ABCC2: variants seen among roughly 807,000 people sequenced by gnomAD.
ABCC2 encodes ATP binding cassette subfamily C member 2.
Under a neutral mutation model 173.4 loss-of-function variants are expected in ABCC2, and 157 were observed. That is an observed-to-expected ratio of 0.91 (90% confidence interval 0.80 to 1.03). The LOEUF (loss-of-function observed/expected upper bound fraction) is 1.03. Among genes scored for constraint, ABCC2 ranks in the 50% least tolerant of loss-of-function variants. The pLI, the probability that ABCC2 is intolerant of heterozygous loss-of-function variation, is 0.00. For missense variants in ABCC2, 1,822 were observed against 1,852.3 expected (o/e 0.98, Z 0.30); for synonymous variants, 657 against 693.5 (o/e 0.95, Z 0.83).
At chr10:99,817,264 T>A in intron 16 of ABCC2, 44 bp from the exon 17 acceptor site, 1 of 1,603,792 alleles carries the variant, frequency 6.2e-7, no homozygotes, top group Non-Finnish European at 8.5e-7. Flanking sequence ...ACCCTGCGTT[T>A]CTGGAGGTGC....
intron 12 of ABCC2, among the ~76,000 whole-genome samples, chr10:99,807,804 CT>C (rs1441678979): frequency 1.2e-4 from 19 of 152,164 alleles, no homozygotes; most frequent in African/African-American, 4.6e-4. Flanking sequence ...AGGAGGCTTT[CT>C]TGTCTTCTTT....
Position 99,814,307 on chromosome 10 carries a change from A to G in ABCC2, c.2094+1163A>G, listed in dbSNP as rs199884945. On this transcript the variant is annotated intron_variant, in intron 16 of 31. Coordinates refer to ENST00000647814, the MANE Select transcript of ABCC2 (RefSeq NM_000392.5). ...TATACACACACGTATGTATACACAC[A>G]TGTATATACACACGTATGTATACAC... 1.2e-3 allele frequency among the ~76,000 whole-genome samples: 52 copies of G among 43,810 alleles called. 2 individuals carry two copies. Among genetic ancestry groups the G allele is most frequent in the Middle Eastern group, 0.024 (2 of 84 alleles). 28.7% of individuals were successfully genotyped at this position (43,810 alleles called of 152,430 possible). A position where few individuals can be genotyped will look rare whatever the true frequency, so the allele number is the denominator to read the frequency against.
At chr10:99,833,433 T>C (rs2038770613) in intron 23 of ABCC2, among the ~76,000 whole-genome samples, 1 of 152,206 alleles carries the variant, frequency 6.6e-6, no homozygotes, top group African/African-American at 2.4e-5. Context: ...TCATTAATTA[T>C]ATAGTATGTT....
Position 99,830,340 on chromosome 10 carries a change from A to G in ABCC2, c.2654A>G (p.Tyr885Cys). Residue 885 changes from tyrosine (Y) to cysteine (C), a missense_variant, in exon 20 of 32, where the codon TAT becomes TGT. Physicochemically the swap from Tyr to Cys is radical, Grantham distance 194. Transcript: ENST00000647814. Reference sequence around the variant, plus strand: ...GGCAGTGAAGAAGAAGACGATGACTATGGGCTGATATCCAGTGTGGAAGAG... The same window carrying G: ...GGCAGTGAAGAAGAAGACGATGACTGTGGGCTGATATCCAGTGTGGAAGAG... ...HDGSEEEDDD[Y>C]GLISSVEEIP... The G allele has an allele frequency of 6.2e-7, 1 of 1,614,144 alleles. No individual in the cohort carries two copies. Among genetic ancestry groups the G allele is most frequent in the Non-Finnish European group, 8.5e-7 (1 of 1,180,020 alleles).
chr10:99,814,172 C>T lies in ABCC2; in HGVS notation c.2094+1028C>T, dbSNP rs1171006290. Among the ~76,000 whole-genome samples, 4 of 82,346 alleles carry T rather than the reference C, an allele frequency of 4.9e-5. 1 individual carries two copies. The highest frequency in any genetic ancestry group is 2.5e-5 in the Non-Finnish European group (1 of 40,702). The allele number at this position is 82,346 out of a possible 152,430, so 54.0% of individuals were successfully genotyped here. ...ATGTATGTATACACACGTATATATACACACATGTATGTATACACACATGTG... is the reference window on the plus strand; with the variant it reads ...ATGTATGTATACACACGTATATATATACACATGTATGTATACACACATGTG... On this transcript the variant is annotated intron_variant, in intron 16 of 31. Coordinates refer to ENST00000647814, the MANE Select transcript of ABCC2 (RefSeq NM_000392.5).
chr10:99,820,333 G>A (rs1036421539), intron 19 of ABCC2, among the ~76,000 whole-genome samples: 1 of 152,184 alleles, frequency 6.6e-6, no homozygotes, highest in Non-Finnish European at 1.5e-5. Context: ...AGAGGTTGCG[G>A]TGAGCTGAGA....
chr10:99,844,885 G>A (rs2038995972), intron 28 of ABCC2, among the ~76,000 whole-genome samples: 1 of 152,184 alleles, frequency 6.6e-6, no homozygotes, highest in African/African-American at 2.4e-5. Flanking sequence ...ACCCTCCTTA[G>A]GTGCTGTTGT....
rs573532498 is a variant in ABCC2 at position 99,799,856 on chromosome 10, C to A, written c.1031+486C>A. Among the ~76,000 whole-genome samples, 4 of 152,320 alleles carry A rather than the reference C, an allele frequency of 2.6e-5. No homozygotes were observed. In the East Asian group the frequency reaches 7.7e-4, roughly 29 times the overall value. ...GAGCATTTCTGTCATTATCCATTCT[C>A]ACAGCCATGGGTTATCAACCCTAAG... On this transcript the variant is annotated intron_variant, in intron 8 of 31. Transcript: ENST00000647814.
chr10:99,805,399 T>A lies in ABCC2; in HGVS notation c.1482T>A (p.Asn494Lys). The A allele has an allele frequency of 6.2e-7, 1 of 1,613,950 alleles. No individual in the cohort carries two copies. The highest frequency in any genetic ancestry group is 8.5e-7 in the Non-Finnish European group (1 of 1,179,886). ...SKTIQVKNMK[N>K]KDKRLKIMNE... ...CCTGGCAGGTCAAAAATATGAAGAA[T>A]AAAGACAAACGTTTAAAGATCATGA... is the stretch of plus-strand genomic sequence containing the variant. The change falls in exon 11 of 32, where the codon AAT (asparagine) becomes AAA (lysine). Residue 494 changes from asparagine to lysine, a missense_variant. Physicochemically the swap from Asn to Lys is moderately conservative, Grantham distance 94. Coordinates refer to ENST00000647814, the MANE Select transcript of ABCC2 (RefSeq NM_000392.5).
At position 99,801,215 on chromosome 10, in the gene ABCC2, TTTG is replaced by T. The variant is rs1007815039; in HGVS notation, c.1209+667_1209+669del. Reference sequence around the variant, plus strand: ...TGCTCATCTTCCCTCTGATACATTGTTTGTTGTTGTTGTTGTTTTGTTTTGTTT... The same window carrying T: ...TGCTCATCTTCCCTCTGATACATTGTTTGTTGTTGTTGTTTTGTTTTGTTT... On this transcript the variant is annotated intron_variant, in intron 9 of 31. Coordinates refer to ENST00000647814, the MANE Select transcript of ABCC2 (RefSeq NM_000392.5). 5.3e-5 allele frequency among the ~76,000 whole-genome samples: 8 copies of T among 152,118 alleles called. No homozygotes were observed. The East Asian group carries it at 1.5e-3, about 29-fold the overall frequency.
intron 9 of ABCC2, among the ~76,000 whole-genome samples, chr10:99,802,751 T>C (rs1442414455): frequency 6.6e-6 from 1 of 152,180 alleles, no homozygotes; most frequent in African/African-American, 2.4e-5. Context: ...GCTCTCCTTC[T>C]TCTGGAAAGA....
chr10:99,814,335 A>G lies in ABCC2; in HGVS notation c.2094+1191A>G, dbSNP rs190118772. Among the ~76,000 whole-genome samples the G allele has an allele frequency of 3.6e-4, 50 of 138,346 alleles. 8 individuals are homozygous for G. Among genetic ancestry groups the G allele is most frequent in the African/African-American group, 1.4e-3 (49 of 34,620 alleles). 90.8% of individuals were successfully genotyped at this position (138,346 alleles called of 152,430 possible). ...TATATACACACGTATGTATACACAC[A>G]TGTATATATACACACGTATGTATAC... is the stretch of plus-strand genomic sequence containing the variant. On this transcript the variant is annotated intron_variant, in intron 16 of 31. Coordinates refer to ENST00000647814, the MANE Select transcript of ABCC2 (RefSeq NM_000392.5).
At position 99,799,387 on chromosome 10, in the gene ABCC2, C is replaced by T; in HGVS notation, c.1031+17C>T. On this transcript the variant is annotated intron_variant, in intron 8 of 31. Transcript: ENST00000647814. ...GCTGCTGAAGTGAGTCTCCAGGCCTCAGATGGTCCTTTCAGGGCCTCCTCT... is the reference window on the plus strand; with the variant it reads ...GCTGCTGAAGTGAGTCTCCAGGCCTTAGATGGTCCTTTCAGGGCCTCCTCT... The T allele has an allele frequency of 6.2e-7, 1 of 1,614,008 alleles. No individual in the cohort carries two copies. Among genetic ancestry groups the T allele is most frequent in the East Asian group, 2.2e-5 (1 of 44,872 alleles).
intron 6 of ABCC2, among the ~76,000 whole-genome samples, 180 bp from the exon 7 acceptor site, chr10:99,796,917 C>A (rs1252249174): frequency 6.6e-6 from 1 of 152,154 alleles, no homozygotes; most frequent in East Asian, 1.9e-4. Flanking sequence ...CTTTTGCCCC[C>A]ACCCATTCCT....
chr10:99,783,848 C>G (rs1291521859), intron 1 of ABCC2, among the ~76,000 whole-genome samples: 1 of 152,108 alleles, frequency 6.6e-6, no homozygotes. Context: ...CTGAGAACTA[C>G]CTGACAAACT....
chr10:99,784,147 T>C (rs2037665531), intron 1 of ABCC2, among the ~76,000 whole-genome samples: 1 of 152,046 alleles, frequency 6.6e-6, no homozygotes, highest in Non-Finnish European at 1.5e-5. Flanking sequence ...CTTTGGGCCA[T>C]CAGAGAGCAA....
intron 19 of ABCC2, 99 bp downstream of exon 19, chr10:99,819,368 T>A (rs2038489210): frequency 8.4e-7 from 1 of 1,184,308 alleles, no homozygotes; most frequent in South Asian, 1.3e-5. Context: ...GTGAACTAGA[T>A]TTGGAAGCAA....
chr10:99,830,081 C>T (rs1462011153), intron 19 of ABCC2, among the ~76,000 whole-genome samples: 1 of 152,182 alleles, frequency 6.6e-6, no homozygotes, highest in Non-Finnish European at 1.5e-5. Context: ...ATTTTCTCTT[C>T]CAGTGGAATA....
At chr10:99,814,115 A>G (rs182123265) in intron 16 of ABCC2, among the ~76,000 whole-genome samples, 2,459 of 139,172 alleles carry the variant, frequency 0.018, 487 homozygotes, top group Non-Finnish European at 0.03. Context: ...ACATATGTGT[A>G]TATACACACA....
Sources: gnomAD v4.1 joint callset for allele counts (sites outside exome capture counted in the v4.1 genomes callset) on GRCh38, gnomAD v4.1.1 for gene constraint, MANE v1.5 for transcripts, NCBI Gene and HGNC (gene_info 2026-07-23, HGNC 2026-07-21) for gene names.